Variants in CCDC39 observed in about 807,000 individuals in gnomAD.
CCDC39 encodes coiled-coil domain 39 molecular ruler complex subunit.
A neutral mutation model predicts 121.0 loss-of-function variants in CCDC39; 113 were observed. The observed-to-expected ratio is 0.93, with a 90% CI of 0.80 to 1.09. CCDC39 has a LOEUF of 1.09. Ranked by LOEUF, CCDC39 falls within the 50% of genes least tolerant of loss-of-function variation. The pLI, the probability that CCDC39 is intolerant of heterozygous loss-of-function variation, is 0.00. For missense variants in CCDC39, 1,063 were observed against 1,074.7 expected, an observed-to-expected ratio of 0.99 and a Z score of 0.15; for synonymous variants, 349 against 352.2, an observed-to-expected ratio of 0.99 and a Z score of 0.10.
At chr3:180,669,700 G>A (rs1295553071) in intron 1 of CCDC39, among the ~76,000 whole-genome samples, 1 of 151,974 alleles carries the variant, frequency 6.6e-6, no homozygotes, top group Non-Finnish European at 1.5e-5. Context: ...TAATGACTTG[G>A]ATAATGAAAT....
In CCDC39 at chr3:180,647,127, C is replaced by A; in HGVS notation, c.1479G>T (p.Glu493Asp). Residue 493 changes from glutamate to aspartate, a missense_variant, in exon 11 of 20, where the codon GAG becomes GAT. Coordinates refer to ENST00000476379, the MANE Select transcript of CCDC39 (RefSeq NM_181426.2). ...CCAAAAGGCCACATGTAGATTTTTT[C>A]TCTTCCAAAGACTTCCTAAGTTCAA... ...KIVELRKSLE[E>D]KKSTCGLLET... 1 of 1,608,892 alleles carries A rather than the reference C, an allele frequency of 6.2e-7. No individual in the cohort carries two copies. Among genetic ancestry groups the A allele is most frequent in the Non-Finnish European group, 8.5e-7 (1 of 1,178,316 alleles).
chr3:180,624,612 A>T (rs1450214071), intron 14 of CCDC39, among the ~76,000 whole-genome samples: 1 of 151,800 alleles, frequency 6.6e-6, no homozygotes, highest in Non-Finnish European at 1.5e-5. Flanking sequence ...GTGTGTTTTC[A>T]CGATGGTGAA....
chr3:180,670,647 T>C (rs1712017017), intron 1 of CCDC39, among the ~76,000 whole-genome samples: 1 of 151,510 alleles, frequency 6.6e-6, no homozygotes, highest in Admixed American at 6.6e-5. Flanking sequence ...CTCTTTTTTT[T>C]TTTTTTTTGC....
At chr3:180,665,654 G>A (rs1421005374) in intron 1 of CCDC39, among the ~76,000 whole-genome samples, 5 of 151,468 alleles carry the variant, frequency 3.3e-5, no homozygotes, top group African/African-American at 1.2e-4. Flanking sequence ...GGCATTTAAG[G>A]CTATATGTTT....
At chr3:180,631,698 C>T (rs1717702297) in intron 13 of CCDC39, 106 bp from the exon 14 acceptor site, 1 of 884,986 alleles carries the variant, frequency 1.1e-6, no homozygotes, top group Non-Finnish European at 1.7e-6. Context: ...TACTACTAAA[C>T]TCAAACAGGT....
At chr3:180,672,122 G>T (rs1033438243) in intron 1 of CCDC39, among the ~76,000 whole-genome samples, 1 of 152,158 alleles carries the variant, frequency 6.6e-6, no homozygotes, top group Non-Finnish European at 1.5e-5. Context: ...TTAAGTTGAA[G>T]CCAACACTCA....
chr3:180,653,234 T>A (rs1275986847), intron 7 of CCDC39, among the ~76,000 whole-genome samples: 1 of 152,158 alleles, frequency 6.6e-6, no homozygotes, highest in Non-Finnish European at 1.5e-5. Flanking sequence ...AACCACAGCC[T>A]TGCATAAAGA....
At chr3:180,660,872 G>A (rs1366887990) in intron 3 of CCDC39, 144 bp from the exon 4 acceptor site, 21 of 567,142 alleles carry the variant, frequency 3.7e-5, no homozygotes, top group Non-Finnish European at 5.4e-5. Context: ...TTTATAATAT[G>A]CCATATTTTA....
intron 15 of CCDC39, 121 bp from the exon 16 acceptor site, chr3:180,619,486 TG>T: frequency 1.5e-6 from 1 of 650,516 alleles, no homozygotes; most frequent in South Asian, 1.9e-5. Context: ...TATATCCACT[TG>T]TAGAAAAACA....
At position 180,631,657 on chromosome 3, in the gene CCDC39, G is replaced by A. The variant is rs537361775; in HGVS notation, c.1875-65C>T. The A allele has an allele frequency of 2.2e-5, 30 of 1,370,496 alleles. 1 individual carries two copies. In the South Asian group the frequency reaches 3.4e-4, roughly 16 times the overall value. The allele number at this position is 1,370,496 out of a possible 1,614,324, so 84.9% of individuals were successfully genotyped here. A position where few individuals can be genotyped will look rare whatever the true frequency, so the allele number is the denominator to read the frequency against. ...TTTACAATTTTTAAAGGACTATCAAGTGTTCTTATTGAAGACATTTGGATT... is the reference window on the plus strand; with the variant it reads ...TTTACAATTTTTAAAGGACTATCAAATGTTCTTATTGAAGACATTTGGATT... On this transcript the variant is annotated intron_variant, in intron 13 of 19. Transcript: ENST00000476379.
Position 180,619,666 on chromosome 3 carries a change from G to T in CCDC39, c.2158+145C>A, listed in dbSNP as rs368080836. 21 of 573,642 alleles carry T rather than the reference G, an allele frequency of 3.7e-5. 1 individual carries two copies. Among genetic ancestry groups the T allele is most frequent in the African/African-American group, 3.3e-4 (17 of 50,858 alleles). 35.5% of individuals were successfully genotyped at this position (573,642 alleles called of 1,614,324 possible). ...AAAACCACTTAGAAAAAAAAATGTC[G>T]TGGGGGGAGGAAAGAAAAGGGATTA... On this transcript the variant is annotated intron_variant, in intron 15 of 19. Transcript: ENST00000476379.
chr3:180,679,328 G>C lies in CCDC39; in HGVS notation c.53C>G (p.Pro18Arg), dbSNP rs769673173. ...ELHWEDGFAI[P>R]VANEENKLLE... ...TAGCTTGTTCTCCTCGTTCGCCACC[G>C]GGATGGCGAACCCATCCTCCCAGTG... is the stretch of plus-strand genomic sequence containing the variant. Residue 18 changes from proline to arginine, a missense_variant, in exon 1 of 20, where the codon CCG becomes CGG. Transcript: ENST00000476379. The surrounding 1 kb of genome is among the most constrained non-coding windows in gnomAD (Gnocchi z 4.0). 8.1e-6 allele frequency: 13 copies of C among 1,613,852 alleles called. No individual in the cohort carries two copies. The highest frequency in any genetic ancestry group is 2.2e-5 in the South Asian group (2 of 91,068).
chr3:180,641,134 A>T (rs975340994), intron 13 of CCDC39, among the ~76,000 whole-genome samples: 42 of 152,132 alleles, frequency 2.8e-4, no homozygotes, highest in Non-Finnish European at 4.1e-4. Flanking sequence ...TGAAAAATTG[A>T]TCAATATGAT....
In CCDC39 at chr3:180,660,552, C is replaced by T. The variant is rs1354638655; in HGVS notation, c.516+18G>A. On this transcript the variant is annotated intron_variant, in intron 4 of 19. Transcript: ENST00000476379. The stretch of plus-strand genomic sequence containing the variant: ...AGAGTTAGAGAAAACCTAACAGTTA[C>T]AATTTGTAATTTCTCACCCTGATTT... 24 of 1,549,652 alleles carry T rather than the reference C, an allele frequency of 1.5e-5. No homozygotes were observed. Among genetic ancestry groups the T allele is most frequent in the Non-Finnish European group, 1.9e-5 (22 of 1,141,432 alleles).
At chr3:180,641,262 G>A (rs1357781666) in intron 13 of CCDC39, among the ~76,000 whole-genome samples, 2 of 152,054 alleles carry the variant, frequency 1.3e-5, no homozygotes, top group East Asian at 3.9e-4. Context: ...GATAAAAATA[G>A]ATAGGAGCTC....
At chr3:180,670,312 G>GGTGTGTGT (rs34194996) in intron 1 of CCDC39, among the ~76,000 whole-genome samples, 1 of 148,292 alleles carries the variant, frequency 6.7e-6, no homozygotes, top group Non-Finnish European at 1.5e-5. Context: ...GTATGGAAGG[G>GGTGTGTGT]GTGTGTGTGT....
intron 1 of CCDC39, among the ~76,000 whole-genome samples, chr3:180,665,010 A>G (rs1201361185): frequency 6.6e-6 from 1 of 151,970 alleles, no homozygotes; most frequent in Non-Finnish European, 1.5e-5. Context: ...ACCTGGCCTA[A>G]ACCACAAGAT....
chr3:180,632,712 G>A (rs1415988207), intron 13 of CCDC39, among the ~76,000 whole-genome samples: 1 of 152,006 alleles, frequency 6.6e-6, no homozygotes, highest in Non-Finnish European at 1.5e-5. Context: ...AAAACAGATG[G>A]GGTAAGATTA....
At position 180,663,915 on chromosome 3, in the gene CCDC39, A is replaced by C; in HGVS notation, c.162T>G (p.Ser54=). 5.6e-6 allele frequency: 9 copies of C among 1,612,186 alleles called. No homozygotes were observed. The highest frequency in any genetic ancestry group is 7.6e-6 in the Non-Finnish European group (9 of 1,178,932). Residue 54 remains serine (S), a synonymous_variant, in exon 2 of 20, where the codon TCT becomes TCG. Transcript: ENST00000476379. ...ELREYEERIN[S]MTSHFKNVKQ... is the part of the protein sequence containing the mutation. ...TAACATTTTTGAAGTGAGAAGTCATAGAATTAATTCGCTCTTCATACTCAC... is the reference window on the plus strand; with the variant it reads ...TAACATTTTTGAAGTGAGAAGTCATCGAATTAATTCGCTCTTCATACTCAC...
Sources: gnomAD v4.1 joint callset for allele counts (sites outside exome capture counted in the v4.1 genomes callset) on GRCh38, gnomAD v4.1.1 for gene constraint, Gnocchi (gnomAD v3.1) non-coding constraint, MANE v1.5 for transcripts, NCBI Gene and HGNC (gene_info 2026-07-23, HGNC 2026-07-21) for gene names.